CFAP47: variants seen among roughly 807,000 people sequenced by gnomAD.
CFAP47 encodes the protein cilia and flagella associated protein 47.
A neutral mutation model predicts 148.1 loss-of-function variants in CFAP47; 29 were observed. That is an observed-to-expected ratio of 0.20 (90% CI 0.15 to 0.27). The LOEUF is 0.27. Among genes scored for constraint, CFAP47 ranks in the 10% least tolerant of loss-of-function variants. The probability of loss-of-function intolerance (pLI) is 1.00; values close to 1 mark genes in which losing one functional copy is unlikely to be tolerated. For missense variants in CFAP47, 1,872 were observed against 1,697.5 expected, an observed-to-expected ratio of 1.10 and a Z score of -1.81; for synonymous variants, 664 against 577.3, an observed-to-expected ratio of 1.15 and a Z score of -2.15.
rs374174598 is a variant in CFAP47 at position 35,919,757 on chromosome X, C to T, written c.-43C>T. The T allele has an allele frequency of 1.4e-4, 167 of 1,166,230 alleles. 1 individual carries two copies. Among genetic ancestry groups the T allele is most frequent in the Middle Eastern group, 2.5e-4 (1 of 4,030 alleles). On this transcript the variant is annotated 5_prime_UTR_variant, in exon 1 of 64. Coordinates refer to ENST00000378653, the MANE Select transcript of CFAP47 (RefSeq NM_001304548.2). ...ACGGTCGTCGACGCTAATCCTTGGC[C>T]GGACGGATCCACATCTGTTTTCTGG...
chrX:36,133,540 A>G (rs1161183442), intron 33 of CFAP47, among the ~76,000 whole-genome samples: 1 of 110,525 alleles, frequency 9.0e-6, no homozygotes, highest in Admixed American at 9.7e-5. Context: ...CAGACTCCCA[A>G]TGTAACTAAC....
At chrX:36,063,143 A>G (rs748647148) in intron 26 of CFAP47, among the ~76,000 whole-genome samples, 43 of 111,769 alleles carry the variant, frequency 3.8e-4, no homozygotes, top group African/African-American at 1.3e-3. Flanking sequence ...AACTCATAAC[A>G]TCAAAGGGCC....
intron 8 of CFAP47, among the ~76,000 whole-genome samples, chrX:35,958,052 A>G (rs2146649780): frequency 9.0e-6 from 1 of 111,282 alleles, no homozygotes; most frequent in East Asian, 2.8e-4. Flanking sequence ...CTCCTCATTC[A>G]TCAGCCTCTG....
intron 57 of CFAP47, among the ~76,000 whole-genome samples, chrX:36,338,220 C>T (rs999742523): frequency 1.4e-4 from 15 of 108,655 alleles, no homozygotes; most frequent in Admixed American, 2.0e-4. Context: ...TTATTCTTAT[C>T]AGCATACCCA....
chrX:36,226,460 T>A (rs1047976742), intron 45 of CFAP47, among the ~76,000 whole-genome samples: 30 of 95,629 alleles, frequency 3.1e-4, no homozygotes, highest in Non-Finnish European at 5.6e-4. Flanking sequence ...CAGAAGTTTT[T>A]AAATCTCTTA....
intron 57 of CFAP47, among the ~76,000 whole-genome samples, chrX:36,335,938 C>T (rs900009321): frequency 2.7e-5 from 3 of 111,005 alleles, no homozygotes; most frequent in South Asian, 3.8e-4. Flanking sequence ...TATTAGAAAA[C>T]GATATCATAA....
At chrX:35,960,789 A>T (rs112417721) in intron 8 of CFAP47, among the ~76,000 whole-genome samples, 2,514 of 111,437 alleles carry the variant, frequency 0.023, 83 homozygotes, top group African/African-American at 0.078. Flanking sequence ...GGATACAAGA[A>T]CATGTCACCT....
At chrX:35,924,304 T>G (rs767790865) in intron 1 of CFAP47, among the ~76,000 whole-genome samples, 3 of 106,591 alleles carry the variant, frequency 2.8e-5, no homozygotes, top group Non-Finnish European at 3.9e-5. Flanking sequence ...TGTACACATA[T>G]GTATATATGT....
At chrX:36,326,579 G>A (rs1602109616) in intron 57 of CFAP47, among the ~76,000 whole-genome samples, 1 of 111,914 alleles carries the variant, frequency 8.9e-6, no homozygotes, top group Non-Finnish European at 1.9e-5. Flanking sequence ...TTAGGAACTG[G>A]AATAAAGGTG....
At chrX:36,194,598 G>A (rs1939899950) in intron 42 of CFAP47, among the ~76,000 whole-genome samples, 1 of 111,668 alleles carries the variant, frequency 9.0e-6, no homozygotes, top group Non-Finnish European at 1.9e-5. Context: ...CTTCTGGGGA[G>A]GCCACAGGAA....
intron 39 of CFAP47, among the ~76,000 whole-genome samples, chrX:36,177,001 C>G (rs1396329200): frequency 8.9e-6 from 1 of 112,350 alleles, no homozygotes; most frequent in Non-Finnish European, 1.9e-5. Flanking sequence ...CCATTCCAGA[C>G]CTGCGTAGAA....
chrX:36,307,527 G>A (rs1941360697), intron 55 of CFAP47, among the ~76,000 whole-genome samples: 1 of 111,004 alleles, frequency 9.0e-6, no homozygotes, highest in Non-Finnish European at 1.9e-5. Context: ...ACTTTTCACA[G>A]CTACTTAGTT....
intron 35 of CFAP47, among the ~76,000 whole-genome samples, chrX:36,141,536 C>A (rs1939140371): frequency 9.0e-6 from 1 of 111,230 alleles, no homozygotes; most frequent in Admixed American, 9.6e-5. Context: ...AAAACACTCT[C>A]ACAGACACCC....
At chrX:35,950,834 G>A (rs1376977213) in intron 4 of CFAP47, among the ~76,000 whole-genome samples, 1 of 111,826 alleles carries the variant, frequency 8.9e-6, no homozygotes, top group African/African-American at 3.3e-5. Flanking sequence ...TTGGCAATAT[G>A]AATATGCCAT....
At chrX:36,366,212 C>T (rs1941874385) in intron 61 of CFAP47, among the ~76,000 whole-genome samples, 1 of 111,604 alleles carries the variant, frequency 9.0e-6, no homozygotes, top group Non-Finnish European at 1.9e-5. Context: ...CTTTTCTAAT[C>T]CTGACTTATG....
intron 58 of CFAP47, 67 bp downstream of exon 58, chrX:36,348,355 T>G: frequency 6.9e-6 from 4 of 578,459 alleles, no homozygotes; most frequent in Non-Finnish European, 9.8e-6. Context: ...ATGCTAGGTT[T>G]CTTTTACATG....
At chrX:36,297,804 T>C (rs1556007113) in intron 51 of CFAP47, among the ~76,000 whole-genome samples, 1 of 112,179 alleles carries the variant, frequency 8.9e-6, no homozygotes, top group African/African-American at 3.2e-5. Context: ...CGTTGCTACT[T>C]TAAGTGTTTC....
rs1937632361 is a variant in CFAP47, at chrX:36,065,755, A to G, written c.4318+12A>G. 3 of 998,358 alleles carry G rather than the reference A, an allele frequency of 3.0e-6. No homozygotes were observed. The highest frequency in any genetic ancestry group is 4.8e-5 in the Admixed American group (2 of 42,061). The allele number at this position is 998,358 out of a possible 1,213,427, so 82.3% of individuals were successfully genotyped here. On this transcript the variant is annotated intron_variant, in intron 27 of 63. Transcript: ENST00000378653. ...TATTTTAAAGAATGGTAAGCTATGT[A>G]TGACTTATTTATCCCTAACTCTCAC...
chrX:36,344,479 T>G (rs1256480559), intron 57 of CFAP47, among the ~76,000 whole-genome samples: 2 of 111,474 alleles, frequency 1.8e-5, no homozygotes, highest in Non-Finnish European at 3.8e-5. Flanking sequence ...AATTCAATAA[T>G]GAACTTCAGT....
Sources: gnomAD v4.1 joint callset for allele counts (sites outside exome capture counted in the v4.1 genomes callset) on GRCh38, gnomAD v4.1.1 for gene constraint, MANE v1.5 for transcripts, NCBI Gene and HGNC (gene_info 2026-07-23, HGNC 2026-07-21) for gene names.